Variants in SPAST observed in about 807,000 individuals in gnomAD.
SPAST encodes the protein spastin.
SPAST carries 30 observed loss-of-function variants against 76.6 expected under a neutral mutation model. The ratio of observed to expected loss-of-function variants is 0.39; its 90% CI spans 0.29 to 0.53. The LOEUF is 0.53. Among genes scored for constraint, SPAST ranks in the 20% least tolerant of loss-of-function variants. SPAST has a pLI of 0.68. For missense variants in SPAST, 717 were observed against 770.5 expected (o/e 0.93, Z 0.82); for synonymous variants, 305 against 281.0 (o/e 1.09, Z -0.86).
At chr2:32,105,125 A>G (rs1021081562) in intron 4 of SPAST, among the ~76,000 whole-genome samples, 10 of 151,996 alleles carry the variant, frequency 6.6e-5, no homozygotes, top group African/African-American at 1.9e-4. Context: ...ACATAGTCCT[A>G]TATTTCTTGG....
At chr2:32,073,985 A>G (rs1676852982) in intron 1 of SPAST, among the ~76,000 whole-genome samples, 1 of 152,206 alleles carries the variant, frequency 6.6e-6, no homozygotes, top group Admixed American at 6.6e-5. Flanking sequence ...ATCTCCAGGA[A>G]CAAACTTATC....
intron 1 of SPAST, among the ~76,000 whole-genome samples, chr2:32,080,798 T>C (rs1677190474): frequency 7.6e-6 from 1 of 131,644 alleles, no homozygotes; most frequent in Admixed American, 7.7e-5. Context: ...TTTTTTTTTT[T>C]TTTTTTTTTT....
At chr2:32,153,369 C>T (rs1205098708) in intron 16 of SPAST, among the ~76,000 whole-genome samples, 3 of 136,160 alleles carry the variant, frequency 2.2e-5, no homozygotes, top group African/African-American at 8.5e-5. Flanking sequence ...ATTGCCCAAG[C>T]TGGAGTGCAA....
Position 32,114,680 on chromosome 2 carries a change from C to T in SPAST, c.725C>T (p.Thr242Ile), listed in dbSNP as rs756026679. The T allele has an allele frequency of 1.9e-6, 3 of 1,614,152 alleles. No homozygotes were observed. The highest frequency in any genetic ancestry group is 2.2e-5 in the South Asian group (2 of 91,090). ...VPKRKDPLTHTSNSLPRSKTV... is the reference protein window; with the variant it reads ...VPKRKDPLTHISNSLPRSKTV... ...AAAAGAAAAGACCCCTTAACACACA[C>T]TAGTAATTCACTGCCTCGTTCAAAA... The change falls in exon 5 of 17, where the codon ACT becomes ATT. Residue 242 changes from threonine (T) to isoleucine (I), a missense_variant. Thr to Ile is a moderately conservative substitution (Grantham distance 89, BLOSUM62 -1). This residue lies in a region of SPAST where 543 missense variants were observed against 445.2 expected (regional missense o/e 1.22). Transcript: ENST00000315285.
intron 13 of SPAST, among the ~76,000 whole-genome samples, chr2:32,142,239 A>G (rs1679743713): frequency 6.6e-6 from 1 of 152,156 alleles, no homozygotes; most frequent in Non-Finnish European, 1.5e-5. Flanking sequence ...TGGTGAATAA[A>G]CAAATGTGGT....
chr2:32,100,043 G>A (rs1432517866), intron 4 of SPAST, among the ~76,000 whole-genome samples: 1 of 152,080 alleles, frequency 6.6e-6, no homozygotes, highest in East Asian at 1.9e-4. Context: ...TGGGATTGGT[G>A]GGTCATATGG....
At chr2:32,138,821 T>G (rs1346154130) in intron 12 of SPAST, among the ~76,000 whole-genome samples, 1 of 152,222 alleles carries the variant, frequency 6.6e-6, no homozygotes, top group African/African-American at 2.4e-5. Flanking sequence ...TAATCCACCT[T>G]GAGTTAATTT....
intron 16 of SPAST, among the ~76,000 whole-genome samples, chr2:32,148,284 C>T (rs945151111): frequency 6.6e-6 from 1 of 151,934 alleles, no homozygotes; most frequent in Non-Finnish European, 1.5e-5. Context: ...AATATGGAAA[C>T]CTATGAAATA....
At chr2:32,075,898 T>TC (rs1345233442) in intron 1 of SPAST, among the ~76,000 whole-genome samples, 1 of 119,564 alleles carries the variant, frequency 8.4e-6, no homozygotes, top group Non-Finnish European at 1.8e-5. Context: ...AAAATGCTCT[T>TC]TTTTTTTTTT....
chr2:32,075,969 C>G (rs963248978), intron 1 of SPAST, among the ~76,000 whole-genome samples: 24 of 130,834 alleles, frequency 1.8e-4, no homozygotes, highest in Non-Finnish European at 3.4e-4. Flanking sequence ...GGTGTGATCT[C>G]GGCTCACTGC....
chr2:32,148,277 A>G (rs1422923803), intron 16 of SPAST, among the ~76,000 whole-genome samples: 1 of 152,112 alleles, frequency 6.6e-6, no homozygotes, highest in Non-Finnish European at 1.5e-5. Flanking sequence ...ATTTCAAAAT[A>G]TGGAAACCTA....
chr2:32,111,570 A>G (rs912023664), intron 4 of SPAST, among the ~76,000 whole-genome samples: 1 of 151,402 alleles, frequency 6.6e-6, no homozygotes, highest in African/African-American at 2.4e-5. Flanking sequence ...CGTATTATAT[A>G]TTAATGATAT....
At chr2:32,102,985 T>C (rs1445838500) in intron 4 of SPAST, among the ~76,000 whole-genome samples, 1 of 152,218 alleles carries the variant, frequency 6.6e-6, no homozygotes, top group Non-Finnish European at 1.5e-5. Flanking sequence ...CCTCATAAAA[T>C]GAGTTAGGGA....
In SPAST at chr2:32,063,897, C is replaced by T. The variant is rs1262209200; in HGVS notation, c.66C>T (p.Pro22=). ...GCGGCGCCAGCAACCCGGTGCCTCC[C>T]AGGCCTCCGCCCCCTTGCCTGGCCC... ...GSGGASNPVP[P]RPPPPCLAPA... Residue 22 remains proline, a synonymous_variant, in exon 1 of 17, where the codon CCC becomes CCT. Coordinates refer to ENST00000315285, the MANE Select transcript of SPAST (RefSeq NM_014946.4). 6.3e-7 allele frequency: 1 copy of T among 1,581,686 alleles called. No individual in the cohort carries two copies. Among genetic ancestry groups the T allele is most frequent in the East Asian group, 2.3e-5 (1 of 43,604 alleles).
At chr2:32,096,296 A>C (rs905556551) in intron 3 of SPAST, among the ~76,000 whole-genome samples, 1 of 152,114 alleles carries the variant, frequency 6.6e-6, no homozygotes, top group Non-Finnish European at 1.5e-5. Context: ...TTAGCTGGGC[A>C]TGGGGGCACC....
chr2:32,089,509 T>C lies in SPAST; in HGVS notation c.503-13T>C, dbSNP rs770964652. 8.8e-6 allele frequency: 13 copies of C among 1,475,042 alleles called. No homozygotes were observed. Among genetic ancestry groups the C allele is most frequent in the African/African-American group, 6.9e-5 (5 of 72,174 alleles). The allele number at this position is 1,475,042 out of a possible 1,614,324, so 91.4% of individuals were successfully genotyped here. A position where few individuals can be genotyped will look rare whatever the true frequency, so the allele number is the denominator to read the frequency against. ...GGGAAATGTAGATATTTTAATTAATTTTTTTCTTTCAGGTGAACAGTGTGA... is the reference window on the plus strand; with the variant it reads ...GGGAAATGTAGATATTTTAATTAATCTTTTTCTTTCAGGTGAACAGTGTGA... On this transcript the variant is annotated splice_polypyrimidine_tract_variant and intron_variant, in intron 2 of 16. Transcript: ENST00000315285.
At chr2:32,065,907 G>A (rs1220790549) in intron 1 of SPAST, 1 of 151,972 alleles carries the variant, frequency 6.6e-6, no homozygotes, top group Non-Finnish European at 1.5e-5. Flanking sequence ...GAGAGGTCAA[G>A]GAGGGTGTTA....
chr2:32,148,421 C>T (rs1193990792), intron 16 of SPAST, among the ~76,000 whole-genome samples: 2 of 151,892 alleles, frequency 1.3e-5, no homozygotes, highest in African/African-American at 2.4e-5. Flanking sequence ...CCTGTAATCC[C>T]AGCACTTTGG....
intron 1 of SPAST, among the ~76,000 whole-genome samples, chr2:32,075,875 T>A (rs1367108513): frequency 7.0e-6 from 1 of 142,682 alleles, no homozygotes; most frequent in Non-Finnish European, 1.5e-5. Context: ...TTTTTTTTTT[T>A]AATGAAAAAT....
Sources: gnomAD v4.1 joint callset for allele counts (sites outside exome capture counted in the v4.1 genomes callset) on GRCh38, gnomAD v4.1.1 for gene constraint, gnomAD v4.1.1 regional missense constraint, MANE v1.5 for transcripts, NCBI Gene and HGNC (gene_info 2026-07-23, HGNC 2026-07-21) for gene names.